SLC23A1: variants seen among roughly 807,000 people sequenced by gnomAD.
SLC23A1 encodes Na(+)/L-ascorbic acid transporter 1.
SLC23A1 carries 31 observed loss-of-function variants against 62.5 expected under a neutral mutation model. The ratio of observed to expected loss-of-function variants is 0.50; its 90% CI spans 0.37 to 0.67. The LOEUF (loss-of-function observed/expected upper bound fraction) is 0.67, where lower values mean the gene tolerates loss of function less well. Ranked by LOEUF, SLC23A1 falls within the 30% of genes least tolerant of loss-of-function variation. The probability of loss-of-function intolerance (pLI) is 0.00; values close to 1 mark genes in which losing one functional copy is unlikely to be tolerated. For missense variants in SLC23A1, 640 were observed against 782.7 expected (o/e 0.82, Z 2.18); for synonymous variants, 271 against 313.2 (o/e 0.87, Z 1.42).
intron 14 of SLC23A1, among the ~76,000 whole-genome samples, chr5:139,369,938 G>A (rs930960333): frequency 2.0e-5 from 3 of 152,220 alleles, no homozygotes; most frequent in African/African-American, 7.2e-5. Flanking sequence ...AGACTTCAGT[G>A]TCAGGGGAAT....
Position 139,378,617 on chromosome 5 carries a change from A to T in SLC23A1, c.1141T>A (p.Ser381Thr), listed in dbSNP as rs765857563. Residue 381 changes from serine to threonine, a missense_variant, in exon 10 of 15, where the codon TCG becomes ACG. By Grantham distance (58) the Ser-to-Thr change is moderately conservative. Transcript: ENST00000348729. The surrounding 1 kb of genome is among the most constrained non-coding windows in gnomAD (Gnocchi z 4.5). ...AGGACGCCAATGTTGGGACTGGACG[A>T]GGTGGACCCGTTGCCCGTGCCCAAT... ...GLLGTGNGSTSSSPNIGVLGI... is the reference protein window; with the variant it reads ...GLLGTGNGSTTSSPNIGVLGI... The T allele has an allele frequency of 3.1e-6, 5 of 1,611,842 alleles. No homozygotes were observed. The Admixed American group carries it at 5.0e-5, about 16-fold the overall frequency.
chr5:139,384,801 C>T (rs907387115), upstream of SLC23A1: 57 of 946,656 alleles, frequency 6.0e-5, no homozygotes, highest in African/African-American at 1.4e-4. Context: ...CACAGGTCCA[C>T]GTCATGGGTG....
chr5:139,372,997 G>A (rs775349490), intron 13 of SLC23A1, among the ~76,000 whole-genome samples: 5 of 152,172 alleles, frequency 3.3e-5, no homozygotes, highest in Non-Finnish European at 7.3e-5. Context: ...AGTCCAGATT[G>A]CGTTCTGGGG....
chr5:139,382,020 G>T lies in SLC23A1; in HGVS notation c.180C>A (p.Ile60=). Residue 60 remains isoleucine (I), a synonymous_variant, in exon 3 of 15, where the codon ATC becomes ATA. Coordinates refer to ENST00000348729, the MANE Select transcript of SLC23A1 (RefSeq NM_005847.5). ...CCTCAGCCAGCAGGAAGGGCACGGC[G>T]ATGGTACCACTGAAGCATGTCAGGT... is the stretch of plus-strand genomic sequence containing the variant. ...QHYLTCFSGT[I]AVPFLLAEAL... is the part of the protein sequence containing the mutation. The T allele has an allele frequency of 6.2e-7, 1 of 1,609,018 alleles. No individual in the cohort carries two copies. Among genetic ancestry groups the T allele is most frequent in the Non-Finnish European group, 8.5e-7 (1 of 1,177,756 alleles).
In SLC23A1 at chr5:139,379,229, G is replaced by C. The variant is rs148214051; in HGVS notation, c.1051C>G (p.Pro351Ala). The change falls in exon 9 of 15, where the codon CCT becomes GCT. Residue 351 changes from proline (P) to alanine (A), a missense_variant. Coordinates refer to ENST00000348729, the MANE Select transcript of SLC23A1 (RefSeq NM_005847.5). This position sits in a 1 kb window ranked among gnomAD's most constrained non-coding sequence, Gnocchi z 4.7. ...TACCTGTTGATAGCATGTACTGGAG[G>C]GGGTGGTGCACCAGCCAGGCGGGCA... ...ACARLAGAPP[P>A]PVHAINRGIF... 3 of 1,614,212 alleles carry C rather than the reference G, an allele frequency of 1.9e-6. No homozygotes were observed. Among genetic ancestry groups the C allele is most frequent in the South Asian group, 2.2e-5 (2 of 91,086 alleles).
chr5:139,370,422 C>A (rs528036813), intron 14 of SLC23A1, among the ~76,000 whole-genome samples: 1 of 152,002 alleles, frequency 6.6e-6, no homozygotes, highest in East Asian at 1.9e-4. Context: ...CCACCTGCCT[C>A]GGCCTCCCAA....
At chr5:139,371,884 A>G in intron 14 of SLC23A1, 103 bp downstream of exon 14, 1 of 866,244 alleles carries the variant, frequency 1.2e-6, no homozygotes, top group Non-Finnish European at 1.8e-6. Context: ...ACATTCAAAC[A>G]GTTTACAAGA....
Position 139,378,384 on chromosome 5 carries a change from G to C in SLC23A1, c.1180-33C>G. ...GGAGCCAGCGGGGAAGCTAGACCTG[G>C]GGACGAGGCTGGGGCGGGGTTAGTT... On this transcript the variant is annotated intron_variant, in intron 10 of 14. Coordinates refer to ENST00000348729, the MANE Select transcript of SLC23A1 (RefSeq NM_005847.5). This position sits in a 1 kb window ranked among gnomAD's most constrained non-coding sequence, Gnocchi z 4.5. The C allele has an allele frequency of 6.5e-7, 1 of 1,548,678 alleles. No individual in the cohort carries two copies. The highest frequency in any genetic ancestry group is 8.7e-7 in the Non-Finnish European group (1 of 1,146,090).
chr5:139,378,248 A>G lies in SLC23A1; in HGVS notation c.1283T>C (p.Leu428Pro). Residue 428 changes from leucine (L) to proline (P), a missense_variant, in exon 11 of 15, where the codon CTG (leucine) becomes CCG (proline). Coordinates refer to ENST00000348729, the MANE Select transcript of SLC23A1 (RefSeq NM_005847.5). The surrounding 1 kb of genome is among the most constrained non-coding windows in gnomAD (Gnocchi z 4.5). ...AAAGAGAGTGCAGAACATGCCCCCC[A>G]GGATGGGGTCAGGGAGCGAGGCGAA... ...ALFASLPDPI[L>P]GGMFCTLFGM... The G allele has an allele frequency of 6.2e-7, 1 of 1,612,156 alleles. No homozygotes were observed. The highest frequency in any genetic ancestry group is 1.3e-5 in the African/African-American group (1 of 74,980).
intron 13 of SLC23A1, among the ~76,000 whole-genome samples, chr5:139,372,567 A>C (rs1016106423): frequency 1.3e-5 from 2 of 152,014 alleles, no homozygotes; most frequent in South Asian, 4.1e-4. Flanking sequence ...CCATTGTACA[A>C]ATTTTTATTT....
In SLC23A1 at chr5:139,377,971, G is replaced by A. The variant is rs565054854; in HGVS notation, c.1453+4C>T. 3.4e-5 allele frequency: 55 copies of A among 1,613,192 alleles called. No homozygotes were observed. The South Asian group carries it at 5.6e-4, about 16-fold the overall frequency. On this transcript the variant is annotated splice_donor_region_variant and intron_variant, in intron 12 of 14. Coordinates refer to ENST00000348729, the MANE Select transcript of SLC23A1 (RefSeq NM_005847.5). ...CTTTGGAGACAGTAAACAGCTGGAGGCACCTGTATTGATGGCGCCAGGGTT... is the reference window on the plus strand; with the variant it reads ...CTTTGGAGACAGTAAACAGCTGGAGACACCTGTATTGATGGCGCCAGGGTT...
At position 139,378,123 on chromosome 5, in the gene SLC23A1, G is replaced by C. The variant is rs1758034545; in HGVS notation, c.1310-5C>G. On this transcript the variant is annotated splice_region_variant and splice_polypyrimidine_tract_variant and intron_variant, in intron 11 of 14. Transcript: ENST00000348729. This position sits in a 1 kb window ranked among gnomAD's most constrained non-coding sequence, Gnocchi z 4.5. ...GCCCCACAGCTGTAATCATGCCTAA[G>C]GGCGCAAGAGAACGGCTGGAGGCGC... is the stretch of plus-strand genomic sequence containing the variant. The C allele has an allele frequency of 1.2e-6, 2 of 1,614,072 alleles. No individual in the cohort carries two copies. The highest frequency in any genetic ancestry group is 1.7e-5 in the Admixed American group (1 of 59,996).
chr5:139,370,442 A>AT (rs200871738), intron 14 of SLC23A1, among the ~76,000 whole-genome samples: 1,601 of 151,964 alleles, frequency 0.011, 27 homozygotes, highest in African/African-American at 0.037. Context: ...AAGTGCTGAG[A>AT]TTACAGGCGT....
At position 139,378,917 on chromosome 5, in the gene SLC23A1, C is replaced by T. The variant is rs376410503; in HGVS notation, c.1074-233G>A. 6.6e-6 allele frequency among the ~76,000 whole-genome samples: 1 copy of T among 152,266 alleles called. No homozygotes were observed. The highest frequency in any genetic ancestry group is 2.1e-4 in the South Asian group (1 of 4,826). ...TCCTCCTGGGATAAATACCGGTGCC[C>T]GTCTCACAAAATGCTTCAAAGATTG... On this transcript the variant is annotated intron_variant, in intron 9 of 14. Coordinates refer to ENST00000348729, the MANE Select transcript of SLC23A1 (RefSeq NM_005847.5). This position sits in a 1 kb window ranked among gnomAD's most constrained non-coding sequence, Gnocchi z 4.5.
chr5:139,380,482 A>C, intron 5 of SLC23A1, 83 bp downstream of exon 5: 1 of 1,591,856 alleles, frequency 6.3e-7, no homozygotes, highest in Non-Finnish European at 8.6e-7. Context: ...ACCTCCTCAA[A>C]TCCCCAAACT....
At position 139,378,399 on chromosome 5, in the gene SLC23A1, C is replaced by G; in HGVS notation, c.1180-48G>C. On this transcript the variant is annotated intron_variant, in intron 10 of 14. Coordinates refer to ENST00000348729, the MANE Select transcript of SLC23A1 (RefSeq NM_005847.5). This position sits in a 1 kb window ranked among gnomAD's most constrained non-coding sequence, Gnocchi z 4.5. ...GCTAGACCTGGGGACGAGGCTGGGG[C>G]GGGGTTAGTTCCAGGGGCGGGGCCT... 2.6e-6 allele frequency: 4 copies of G among 1,540,684 alleles called. No individual in the cohort carries two copies. Among genetic ancestry groups the G allele is most frequent in the Non-Finnish European group, 3.5e-6 (4 of 1,141,208 alleles).
At chr5:139,380,487 C>A in intron 5 of SLC23A1, 78 bp downstream of exon 5, 1 of 1,596,698 alleles carries the variant, frequency 6.3e-7, no homozygotes, top group South Asian at 1.1e-5. Flanking sequence ...CTCAAATCCC[C>A]AAACTCAGCG....
At position 139,380,259 on chromosome 5, in the gene SLC23A1, A is replaced by G. The variant is rs1443742427; in HGVS notation, c.596T>C (p.Val199Ala). The change falls in exon 6 of 15, where the codon GTC (valine) becomes GCC (alanine). Residue 199 changes from valine (V) to alanine (A), a missense_variant. Transcript: ENST00000348729. ...TPTVSLIGLS[V>A]FQAAGDRAGS... ...AGCTCGGTCGCCAGCAGCTTGGAAG[A>G]CAGAAAGGCCAATGAGGGAGACAGT... The G allele has an allele frequency of 1.3e-6, 2 of 1,576,856 alleles. No homozygotes were observed. Among genetic ancestry groups the G allele is most frequent in the Admixed American group, 1.9e-5 (1 of 53,486 alleles).
intron 6 of SLC23A1, 63 bp downstream of exon 6, chr5:139,380,145 C>T: frequency 6.4e-7 from 1 of 1,564,286 alleles, no homozygotes; most frequent in Non-Finnish European, 8.7e-7. Flanking sequence ...GGAAGAAGGA[C>T]CAAGGACATG....
Sources: gnomAD v4.1 joint callset for allele counts (sites outside exome capture counted in the v4.1 genomes callset) on GRCh38, gnomAD v4.1.1 for gene constraint, Gnocchi (gnomAD v3.1) non-coding constraint, MANE v1.5 for transcripts, NCBI Gene and HGNC (gene_info 2026-07-23, HGNC 2026-07-21) for gene names.